Variants in NELL1 observed in about 807,000 individuals in gnomAD.
NELL1 encodes protein kinase C-binding protein NELL1.
Under a neutral mutation model 107.4 loss-of-function variants are expected in NELL1, and 76 were observed. The observed-to-expected ratio is 0.71, with a 90% CI of 0.59 to 0.86. The LOEUF (loss-of-function observed/expected upper bound fraction) is 0.86, where lower values mean the gene tolerates loss of function less well. Ranked by LOEUF, NELL1 falls within the 40% of genes least tolerant of loss-of-function variation. NELL1 has a pLI of 0.00. For missense variants in NELL1, 1,024 were observed against 1,005.5 expected, an observed-to-expected ratio of 1.02 and a Z score of -0.25; for synonymous variants, 353 against 341.2, an observed-to-expected ratio of 1.03 and a Z score of -0.38.
intron 12 of NELL1, among the ~76,000 whole-genome samples, chr11:21,016,816 C>T (rs549001573): frequency 6.6e-6 from 1 of 152,192 alleles, no homozygotes; most frequent in Admixed American, 6.5e-5. Context: ...TGAAACCTTT[C>T]AGGAGTTTAC....
At chr11:20,976,201 T>C (rs1851631560) in intron 12 of NELL1, among the ~76,000 whole-genome samples, 1 of 151,214 alleles carries the variant, frequency 6.6e-6, no homozygotes, top group African/African-American at 2.4e-5. Flanking sequence ...TCTGTACATA[T>C]ATATGTACAG....
At chr11:21,178,445 T>A (rs890377771) in intron 13 of NELL1, among the ~76,000 whole-genome samples, 3 of 151,830 alleles carry the variant, frequency 2.0e-5, no homozygotes, top group African/African-American at 7.3e-5. Context: ...ACAACAGTCA[T>A]AATGAGAAAT....
chr11:20,753,075 A>G (rs1339268427), intron 2 of NELL1, among the ~76,000 whole-genome samples: 1 of 152,228 alleles, frequency 6.6e-6, no homozygotes, highest in African/African-American at 2.4e-5. Flanking sequence ...ATTAAGCCCT[A>G]ATTTGGTTAT....
At chr11:21,567,442 C>G (rs758301847) in intron 17 of NELL1, among the ~76,000 whole-genome samples, 6 of 121,934 alleles carry the variant, frequency 4.9e-5, no homozygotes, top group Non-Finnish European at 1.2e-4. Context: ...CTTGCTTGCT[C>G]TCTATATACA....
chr11:20,692,754 T>C (rs1248706498), intron 2 of NELL1, among the ~76,000 whole-genome samples: 1 of 152,146 alleles, frequency 6.6e-6, no homozygotes, highest in Non-Finnish European at 1.5e-5. Context: ...GAGAAGAATG[T>C]ATATTTTGTT....
At chr11:21,294,198 T>C (rs552374236) in intron 14 of NELL1, among the ~76,000 whole-genome samples, 1 of 152,236 alleles carries the variant, frequency 6.6e-6, no homozygotes, top group African/African-American at 2.4e-5. Flanking sequence ...CCCTCCTACA[T>C]CTTTAGCTTC....
At position 21,385,459 on chromosome 11, in the gene NELL1, G is replaced by A. The variant is rs192131896; in HGVS notation, c.1645+14511G>A. On this transcript the variant is annotated intron_variant, in intron 15 of 19. Coordinates refer to ENST00000357134, the MANE Select transcript of NELL1 (RefSeq NM_006157.5). ...GATATTTTTGGATCATATGTAGCCA[G>A]AGTTATCCTTGATGTCTCCTTCTCC... 2.6e-5 allele frequency among the ~76,000 whole-genome samples: 4 copies of A among 151,954 alleles called. No homozygotes were observed. The East Asian group carries it at 7.8e-4, about 30-fold the overall frequency.
chr11:21,032,896 A>T (rs995157555), intron 12 of NELL1, among the ~76,000 whole-genome samples: 1 of 152,200 alleles, frequency 6.6e-6, no homozygotes, highest in African/African-American at 2.4e-5. Flanking sequence ...TTCCTTTGAT[A>T]TAACTGTTGC....
At chr11:21,375,611 T>C (rs989405390) in intron 15 of NELL1, among the ~76,000 whole-genome samples, 1 of 152,090 alleles carries the variant, frequency 6.6e-6, no homozygotes, top group African/African-American at 2.4e-5. Context: ...TTTTAAGTTC[T>C]TTGAGATATC....
At chr11:21,403,814 CT>C (rs1341153607) in intron 15 of NELL1, among the ~76,000 whole-genome samples, 2 of 151,666 alleles carry the variant, frequency 1.3e-5, no homozygotes, top group Admixed American at 6.6e-5. Context: ...AAGTGGGAGT[CT>C]TTACAAAGCT....
chr11:20,742,056 A>G (rs1430719025), intron 2 of NELL1, among the ~76,000 whole-genome samples: 1 of 152,224 alleles, frequency 6.6e-6, no homozygotes, highest in African/African-American at 2.4e-5. Context: ...ACAAGAAACC[A>G]GCGAAGGAGC....
chr11:20,942,017 C>A (rs1411047803), intron 10 of NELL1, among the ~76,000 whole-genome samples: 1 of 152,100 alleles, frequency 6.6e-6, no homozygotes, highest in Non-Finnish European at 1.5e-5. Flanking sequence ...CGCAAGTGCT[C>A]TTACTTACAT....
chr11:21,271,669 A>C (rs1848742112), intron 14 of NELL1, among the ~76,000 whole-genome samples: 1 of 152,230 alleles, frequency 6.6e-6, no homozygotes, highest in Non-Finnish European at 1.5e-5. Flanking sequence ...AAAACATCAC[A>C]AGAAAAGAAA....
At chr11:20,786,148 C>T (rs1856950714) in intron 3 of NELL1, among the ~76,000 whole-genome samples, 1 of 150,808 alleles carries the variant, frequency 6.6e-6, no homozygotes, top group Non-Finnish European at 1.5e-5. Flanking sequence ...GTCAGGAGTT[C>T]AAGACCAGCT....
Position 20,689,480 on chromosome 11 carries a change from C to T in NELL1, c.184+11420C>T, listed in dbSNP as rs1180562931. ...TCCCCAGAGTGTGATGTTCCCCTTC[C>T]TGTGTCCATGTGTTCTCATTGTTCA... On this transcript the variant is annotated intron_variant, in intron 2 of 19. Transcript: ENST00000357134. 7.1e-3 allele frequency among the ~76,000 whole-genome samples: 958 copies of T among 135,710 alleles called. 19 individuals carry two copies. Among genetic ancestry groups the T allele is most frequent in the African/African-American group, 0.024 (877 of 36,402 alleles). 89.0% of individuals were successfully genotyped at this position (135,710 alleles called of 152,430 possible). A position where few individuals can be genotyped will look rare whatever the true frequency, so the allele number is the denominator to read the frequency against.
chr11:20,751,681 A>G lies in NELL1; in HGVS notation c.185-31999A>G, dbSNP rs979781556. 4.6e-5 allele frequency among the ~76,000 whole-genome samples: 7 copies of G among 151,518 alleles called. No individual in the cohort carries two copies. The South Asian group carries it at 1.0e-3, about 22-fold the overall frequency. On this transcript the variant is annotated intron_variant, in intron 2 of 19. Coordinates refer to ENST00000357134, the MANE Select transcript of NELL1 (RefSeq NM_006157.5). ...AAAAAAAAACTCTTTTTAGAGATGAAGTCTTGCTGTGTTGCTCAGGCTGGT... is the reference window on the plus strand; with the variant it reads ...AAAAAAAAACTCTTTTTAGAGATGAGGTCTTGCTGTGTTGCTCAGGCTGGT...
chr11:21,531,184 C>T (rs1159704148), intron 15 of NELL1, among the ~76,000 whole-genome samples: 2 of 152,138 alleles, frequency 1.3e-5, no homozygotes, highest in Non-Finnish European at 2.9e-5. Context: ...CACACACACA[C>T]ATATACGTAT....
chr11:20,691,909 G>T (rs1344912811), intron 2 of NELL1, among the ~76,000 whole-genome samples: 1 of 152,026 alleles, frequency 6.6e-6, no homozygotes, highest in African/African-American at 2.4e-5. Context: ...GAATCCATCG[G>T]GTCCTGGACT....
intron 13 of NELL1, 151 bp from the exon 14 acceptor site, chr11:21,229,181 G>C: frequency 1.3e-6 from 1 of 788,148 alleles, no homozygotes; most frequent in Non-Finnish European, 2.0e-6. Flanking sequence ...TCAGAGTTTA[G>C]ATTTCAACAG....
Sources: allele counts gnomAD v4.1 joint callset (sites outside exome capture counted in the v4.1 genomes callset), GRCh38; gene constraint gnomAD v4.1.1; transcripts MANE v1.5; gene names NCBI Gene and HGNC (gene_info 2026-07-23, HGNC 2026-07-21).